FRYL: variants seen among roughly 807,000 people sequenced by gnomAD.
FRYL encodes the protein protein furry homolog-like.
Under a neutral mutation model 351.2 loss-of-function variants are expected in FRYL, and 150 were observed. The observed-to-expected ratio is 0.43, with a 90% CI of 0.37 to 0.49. FRYL has a LOEUF of 0.49. FRYL is among the 20% of genes least tolerant of loss of function. The pLI is 0.00. For missense variants in FRYL, 3,036 were observed against 3,619.3 expected, an observed-to-expected ratio of 0.84 and a Z score of 4.13; for synonymous variants, 1,153 against 1,257.1, an observed-to-expected ratio of 0.92 and a Z score of 1.75.
At chr4:48,772,176 A>G (rs1369960720) in intron 1 of FRYL, among the ~76,000 whole-genome samples, 1 of 152,242 alleles carries the variant, frequency 6.6e-6, no homozygotes, top group Non-Finnish European at 1.5e-5. Flanking sequence ...GATGCAGATT[A>G]TATTTTGAGA....
At chr4:48,536,788 T>C (rs1475806249) in intron 47 of FRYL, among the ~76,000 whole-genome samples, 1 of 152,244 alleles carries the variant, frequency 6.6e-6, no homozygotes, top group Non-Finnish European at 1.5e-5. Flanking sequence ...GTAAAGAAAC[T>C]GTCCTTTTAA....
chr4:48,754,734 CT>C (rs1440121346), intron 1 of FRYL, among the ~76,000 whole-genome samples: 1 of 145,500 alleles, frequency 6.9e-6, no homozygotes, highest in Non-Finnish European at 1.5e-5. Flanking sequence ...GTGGCATGAT[CT>C]TGGCGCACTG....
At chr4:48,705,097 G>C (rs763956879) in intron 2 of FRYL, among the ~76,000 whole-genome samples, 1 of 152,086 alleles carries the variant, frequency 6.6e-6, no homozygotes, top group African/African-American at 2.4e-5. Flanking sequence ...CTCCAGCCTG[G>C]GTGACGGTGA....
chr4:48,553,351 A>G lies in FRYL; in HGVS notation c.4299T>C (p.Asp1433=). The change falls in exon 36 of 64, where the codon GAT becomes GAC. Residue 1433 remains aspartate, a synonymous_variant. Transcript: ENST00000358350. Reference sequence around the variant, plus strand: ...GCTCTTCTAGCAACTGCATTGTTTTATCTCTACCTAAATATACAATGACCT... The same window carrying G: ...GCTCTTCTAGCAACTGCATTGTTTTGTCTCTACCTAAATATACAATGACCT... The part of the protein sequence containing the change: ...VKKVIVYLGR[D]KTMQLLEELV... The G allele has an allele frequency of 1.2e-6, 2 of 1,612,792 alleles. No homozygotes were observed. Among genetic ancestry groups the G allele is most frequent in the Non-Finnish European group, 1.7e-6 (2 of 1,179,488 alleles).
Position 48,582,618 on chromosome 4 carries a change from A to G in FRYL, c.1865T>C (p.Ile622Thr). 1 of 1,614,008 alleles carries G rather than the reference A, an allele frequency of 6.2e-7. No individual in the cohort carries two copies. Among genetic ancestry groups the G allele is most frequent in the Non-Finnish European group, 8.5e-7 (1 of 1,179,894 alleles). The change falls in exon 20 of 64, where the codon ATT (isoleucine) becomes ACT (threonine). Residue 622 changes from isoleucine (I) to threonine (T), a missense_variant. By Grantham distance (89) the Ile-to-Thr change is moderately conservative. Coordinates refer to ENST00000358350, the MANE Select transcript of FRYL (RefSeq NM_015030.2). ...EDVLSGFVYF[I>T]VREVTDVHPT... The stretch of plus-strand genomic sequence containing the variant: ...ATGGACATCAGTCACTTCACGAACA[A>G]TAAAATAAACAAATCCTGAAAGAAC...
chr4:48,668,343 C>T (rs1469852369), intron 3 of FRYL, among the ~76,000 whole-genome samples: 1 of 149,830 alleles, frequency 6.7e-6, no homozygotes, highest in Non-Finnish European at 1.5e-5. Flanking sequence ...CGCATCACTG[C>T]ACTCCAGCCT....
chr4:48,537,764 C>T (rs1344007460), intron 47 of FRYL, among the ~76,000 whole-genome samples: 2 of 152,102 alleles, frequency 1.3e-5, no homozygotes, highest in Non-Finnish European at 2.9e-5. Context: ...ATCAGCAGCT[C>T]GATATTCAAG....
rs1481134347 is a variant in FRYL, at chr4:48,620,645, G to C, written c.308C>G (p.Ser103Cys). The C allele has an allele frequency of 1.2e-6, 2 of 1,612,582 alleles. No individual in the cohort carries two copies. The highest frequency in any genetic ancestry group is 3.3e-5 in the Admixed American group (2 of 59,962). ...YEYRPRSSTK[S>C]KGDEQQRERD... is the part of the protein sequence containing the mutation. ...TGTAAAATAAAGCACTTACCCCTTA[G>C]ACTTTGTGCTAGACCGAGGCCTATA... The change falls in exon 6 of 64, where the codon TCT (serine) becomes TGT (cysteine). Residue 103 changes from serine (S) to cysteine (C), a missense_variant. Ser to Cys is a moderately radical substitution (Grantham distance 112). Transcript: ENST00000358350.
chr4:48,620,890 A>G, intron 5 of FRYL, 112 bp from the exon 6 acceptor site: 1 of 938,832 alleles, frequency 1.1e-6, no homozygotes, highest in Non-Finnish European at 1.6e-6. Flanking sequence ...TCAATGCAAT[A>G]AATGTGCTTT....
intron 25 of FRYL, among the ~76,000 whole-genome samples, chr4:48,574,815 A>AGGGCAGTG (rs1739238020): frequency 2.0e-5 from 3 of 152,220 alleles, no homozygotes; most frequent in African/African-American, 7.2e-5. Context: ...TGACTACATA[A>AGGGCAGTG]ATAAATATAG....
chr4:48,505,603 A>T lies in FRYL; in HGVS notation c.8407T>A (p.Cys2803Ser), dbSNP rs761211462. 16 of 1,606,038 alleles carry T rather than the reference A, an allele frequency of 1.0e-5. No individual in the cohort carries two copies. Among genetic ancestry groups the T allele is most frequent in the African/African-American group, 1.3e-5 (1 of 74,704 alleles). ...TCTTTGGCACCAAATGTCCTCTTAC[A>T]ATCATCTAGCCACTAAAAATAAGTA... The part of the protein sequence containing the change: ...REAAEQWLDD[C>S]KRTFGAKEDM... The change falls in exon 60 of 64, where the codon TGT becomes AGT. Residue 2803 changes from cysteine to serine, a missense_variant. Cys to Ser is a moderately radical substitution (Grantham distance 112). This residue lies in a region of FRYL where 1,987 missense variants were observed against 2,311.7 expected (regional missense o/e 0.86). Coordinates refer to ENST00000358350, the MANE Select transcript of FRYL (RefSeq NM_015030.2).
At chr4:48,659,412 AGAAGGAGAAGGAGAAGAG>A (rs1220613841) in intron 3 of FRYL, among the ~76,000 whole-genome samples, 2,207 of 3,648 alleles carry the variant, frequency 0.6, 1,042 homozygotes, top group South Asian at 0.95. Flanking sequence ...AAGGAGAAGG[AGAAGGAGAAGGAGAAGAG>A]GAAGAGGAAG....
chr4:48,632,098 A>ATATATATATATATGTATG (rs1553957561), intron 4 of FRYL, among the ~76,000 whole-genome samples: 1 of 21,480 alleles, frequency 4.7e-5, no homozygotes, highest in Non-Finnish European at 1.1e-4. Flanking sequence ...AAAAATATAT[A>ATATATATATATATGTATG]TATATATATA....
intron 1 of FRYL, among the ~76,000 whole-genome samples, chr4:48,766,784 T>G (rs1489598862): frequency 6.6e-6 from 1 of 152,054 alleles, no homozygotes; most frequent in Non-Finnish European, 1.5e-5. Context: ...CATCAAGTAG[T>G]GCAAAGGCTT....
intron 19 of FRYL, among the ~76,000 whole-genome samples, chr4:48,584,603 G>A (rs1741692579): frequency 6.6e-6 from 1 of 152,142 alleles, no homozygotes; most frequent in East Asian, 1.9e-4. Context: ...TGACTTTAAA[G>A]GTTATTTCAA....
intron 3 of FRYL, among the ~76,000 whole-genome samples, chr4:48,676,547 ATTT>A (rs60426434): frequency 2.2e-5 from 3 of 136,106 alleles, no homozygotes; most frequent in Non-Finnish European, 4.8e-5. Flanking sequence ...AGGCCCGGCT[ATTT>A]TTTTTTTTTT....
intron 57 of FRYL, among the ~76,000 whole-genome samples, chr4:48,511,840 G>A (rs1184766812): frequency 6.6e-6 from 1 of 152,174 alleles, no homozygotes; most frequent in Non-Finnish European, 1.5e-5. Flanking sequence ...GGAGAAAAGG[G>A]AGGAAAGGTG....
At chr4:48,680,827 T>C (rs1764499685) in intron 3 of FRYL, 1 of 346,500 alleles carries the variant, frequency 2.9e-6, no homozygotes, top group African/African-American at 2.2e-5. Context: ...TTAAACTTGA[T>C]TTTCAAAATA....
intron 3 of FRYL, chr4:48,653,882 C>T: frequency 2.4e-6 from 3 of 1,274,048 alleles, no homozygotes; most frequent in African/African-American, 1.5e-5. Context: ...CTCTCCAAGC[C>T]GCTGTCCCTT....
Sources: gnomAD v4.1 joint callset for allele counts (sites outside exome capture counted in the v4.1 genomes callset) on GRCh38, gnomAD v4.1.1 for gene constraint, gnomAD v4.1.1 regional missense constraint, MANE v1.5 for transcripts, NCBI Gene and HGNC (gene_info 2026-07-23, HGNC 2026-07-21) for gene names.